Variants in CTNND2 observed in about 807,000 individuals in gnomAD.
CTNND2 encodes the protein catenin delta-2.
A neutral mutation model predicts 144.4 loss-of-function variants in CTNND2; 22 were observed. The observed-to-expected ratio is 0.15, with a 90% CI of 0.11 to 0.22. The LOEUF is 0.22. Among genes scored for constraint, CTNND2 ranks in the 10% least tolerant of loss-of-function variants. The pLI is 1.00. For synonymous variants in CTNND2, 751 were observed against 695.6 expected, an observed-to-expected ratio of 1.08 and a Z score of -1.25; for missense variants, 1,353 against 1,618.8, an observed-to-expected ratio of 0.84 and a Z score of 2.82.
chr5:11,181,314 G>A (rs557189492), intron 11 of CTNND2, among the ~76,000 whole-genome samples: 4 of 152,266 alleles, frequency 2.6e-5, no homozygotes, highest in Non-Finnish European at 4.4e-5. Context: ...AATGCAAGGG[G>A]CAGTGAGCCA....
intron 11 of CTNND2, among the ~76,000 whole-genome samples, chr5:11,181,776 CTG>C (rs1403582528): frequency 1.1e-5 from 1 of 94,800 alleles, no homozygotes; most frequent in Non-Finnish European, 2.2e-5. Flanking sequence ...GTGTGTGTGT[CTG>C]TGTGTGTGTC....
intron 1 of CTNND2, among the ~76,000 whole-genome samples, chr5:11,858,837 G>A (rs1795369748): frequency 6.6e-6 from 1 of 152,186 alleles, no homozygotes; most frequent in Admixed American, 6.5e-5. Flanking sequence ...GCTGAGGCAG[G>A]AGAATGGCGT....
chr5:11,076,816 C>G (rs566538950), intron 16 of CTNND2, among the ~76,000 whole-genome samples: 1 of 152,284 alleles, frequency 6.6e-6, no homozygotes, highest in East Asian at 1.9e-4. Flanking sequence ...ATGAATGATT[C>G]CTTAGCTGCA....
intron 16 of CTNND2, among the ~76,000 whole-genome samples, chr5:11,030,562 C>A (rs1229463839): frequency 1.3e-5 from 2 of 151,936 alleles, no homozygotes; most frequent in African/African-American, 4.8e-5. Context: ...AATTATTGTA[C>A]TTTTCAGCTC....
At chr5:11,834,365 A>G (rs1164541664) in intron 1 of CTNND2, among the ~76,000 whole-genome samples, 1 of 152,206 alleles carries the variant, frequency 6.6e-6, no homozygotes, top group Non-Finnish European at 1.5e-5. Context: ...TTTCTTCCCT[A>G]GATAACATAA....
intron 6 of CTNND2, among the ~76,000 whole-genome samples, chr5:11,390,321 T>C (rs1051360631): frequency 6.6e-6 from 1 of 152,238 alleles, no homozygotes; most frequent in Non-Finnish European, 1.5e-5. Flanking sequence ...GCACATTTGC[T>C]TCCAGATTCT....
intron 20 of CTNND2, chr5:10,986,664 C>A (rs1737997415): frequency 4.4e-6 from 2 of 456,208 alleles, no homozygotes; most frequent in Non-Finnish European, 8.8e-6. Context: ...GAGTTAGGTT[C>A]TCCCGTTCAG....
rs1013684602 is a variant in CTNND2, at chr5:11,362,221, G to A, written c.1372+2475C>T. ...AAGCAAACTTAGAATGTTTTTTTACGGCTACTGGATAACTATATTTAATCC... is the reference window on the plus strand; with the variant it reads ...AAGCAAACTTAGAATGTTTTTTTACAGCTACTGGATAACTATATTTAATCC... On this transcript the variant is annotated intron_variant, in intron 8 of 21. Coordinates refer to ENST00000304623, the MANE Select transcript of CTNND2 (RefSeq NM_001332.4). Among the ~76,000 whole-genome samples the A allele has an allele frequency of 7.2e-5, 11 of 152,076 alleles. No individual in the cohort carries two copies. The South Asian group carries it at 8.3e-4, about 11-fold the overall frequency.
chr5:11,351,020 A>C (rs1580985862), intron 8 of CTNND2, among the ~76,000 whole-genome samples: 1 of 152,328 alleles, frequency 6.6e-6, no homozygotes, highest in East Asian at 1.9e-4. Context: ...TCAGGGTCCA[A>C]GTCTCCCATC....
chr5:11,328,941 T>C (rs1489938581), intron 9 of CTNND2, among the ~76,000 whole-genome samples: 5 of 152,172 alleles, frequency 3.3e-5, no homozygotes, highest in Non-Finnish European at 5.9e-5. Flanking sequence ...ATTTATTTTC[T>C]CCCAGTTCTG....
chr5:11,641,782 ATACATACACGTG>A (rs1220163971), intron 2 of CTNND2, among the ~76,000 whole-genome samples: 1 of 146,306 alleles, frequency 6.8e-6, no homozygotes, highest in Non-Finnish European at 1.5e-5. Context: ...ATGTATGTAC[ATACATACACGTG>A]TACATACACG....
At chr5:11,622,235 G>A (rs954621848) in intron 2 of CTNND2, among the ~76,000 whole-genome samples, 6 of 152,042 alleles carry the variant, frequency 3.9e-5, no homozygotes, top group African/African-American at 1.4e-4. Flanking sequence ...TTTTTCTGTA[G>A]AAGTTTATAA....
intron 8 of CTNND2, among the ~76,000 whole-genome samples, chr5:11,347,223 A>C (rs1423498): frequency 0.29 from 43,362 of 152,064 alleles, 6,401 homozygotes; most frequent in Non-Finnish European, 0.34. Flanking sequence ...GTAACTCCCG[A>C]AAGATTTTTA....
Position 11,068,637 on chromosome 5 carries a change from C to T in CTNND2, c.2788+14059G>A, listed in dbSNP as rs1331129727. ...ACAACTTAATAAGAATCTACTAGGC[C>T]AGGCGCGGTGGCTCACGCCTGTAAT... is the stretch of plus-strand genomic sequence containing the variant. On this transcript the variant is annotated intron_variant, in intron 16 of 21. Coordinates refer to ENST00000304623, the MANE Select transcript of CTNND2 (RefSeq NM_001332.4). 2.6e-5 allele frequency among the ~76,000 whole-genome samples: 4 copies of T among 152,228 alleles called. No homozygotes were observed. In the East Asian group the frequency reaches 7.7e-4, roughly 29 times the overall value.
At chr5:11,568,822 C>G (rs1777332022) in intron 2 of CTNND2, among the ~76,000 whole-genome samples, 1 of 152,178 alleles carries the variant, frequency 6.6e-6, no homozygotes. Context: ...TGAGATGAAA[C>G]AGCATTCAAG....
chr5:11,096,998 C>T (rs995566852), intron 15 of CTNND2, among the ~76,000 whole-genome samples: 2 of 152,158 alleles, frequency 1.3e-5, no homozygotes, highest in African/African-American at 2.4e-5. Context: ...GTCATGGGCA[C>T]ATACAGTGTC....
At chr5:11,272,008 A>G (rs1746070054) in intron 9 of CTNND2, among the ~76,000 whole-genome samples, 1 of 152,194 alleles carries the variant, frequency 6.6e-6, no homozygotes, top group South Asian at 2.1e-4. Flanking sequence ...TAATACAAAT[A>G]AAAATATAAA....
Position 11,731,568 on chromosome 5 carries a change from G to A in CTNND2, c.174+568C>T, listed in dbSNP as rs1203168336. On this transcript the variant is annotated intron_variant, in intron 2 of 21. Transcript: ENST00000304623. ...AGAAACATGACTTTTATAAAGTGACGTTTTAAATCTAAGGTTCAGATTTTA... is the reference window on the plus strand; with the variant it reads ...AGAAACATGACTTTTATAAAGTGACATTTTAAATCTAAGGTTCAGATTTTA... Among the ~76,000 whole-genome samples, 11 of 152,080 alleles carry A rather than the reference G, an allele frequency of 7.2e-5. 1 individual carries two copies. Among genetic ancestry groups the A allele is most frequent in the African/African-American group, 2.7e-4 (11 of 41,426 alleles).
intron 9 of CTNND2, among the ~76,000 whole-genome samples, chr5:11,335,861 T>G (rs1212149858): frequency 6.6e-6 from 1 of 152,138 alleles, no homozygotes; most frequent in Non-Finnish European, 1.5e-5. Context: ...AAGTCTTTGT[T>G]TGCACAGAGG....
Sources: gnomAD v4.1 joint callset for allele counts (sites outside exome capture counted in the v4.1 genomes callset) on GRCh38, gnomAD v4.1.1 for gene constraint, MANE v1.5 for transcripts, NCBI Gene and HGNC (gene_info 2026-07-23, HGNC 2026-07-21) for gene names.